OTUD7B: variants seen among roughly 807,000 people sequenced by gnomAD.
The protein encoded by OTUD7B is OTU deubiquitinase 7B.
In OTUD7B, 34 loss-of-function variants were observed where a neutral mutation model predicts 82.2. The ratio of observed to expected loss-of-function variants is 0.41; its 90% confidence interval spans 0.31 to 0.55. OTUD7B has a LOEUF of 0.55. Ranked by LOEUF, OTUD7B falls within the 20% of genes least tolerant of loss-of-function variation. The probability of loss-of-function intolerance (pLI) is 0.20; values close to 1 mark genes in which losing one functional copy is unlikely to be tolerated. For synonymous variants in OTUD7B, 398 were observed against 402.7 expected, an observed-to-expected ratio of 0.99 and a Z score of 0.14; for missense variants, 944 against 1,062.1, an observed-to-expected ratio of 0.89 and a Z score of 1.55.
chr1:149,962,167 A>ATCCGGC (rs1649204231), intron 6 of OTUD7B: 1 of 152,208 alleles, frequency 6.6e-6, no homozygotes, highest in African/African-American at 2.4e-5. Context: ...ACACATCCAG[A>ATCCGGC]TCCGGCTCCC....
chr1:150,012,833 G>T (rs187288071), upstream of OTUD7B, among the ~76,000 whole-genome samples: 1 of 152,336 alleles, frequency 6.6e-6, no homozygotes, highest in Non-Finnish European at 1.5e-5. Flanking sequence ...TCAATGGGCT[G>T]CTTGTCTTTG....
Position 149,944,754 on chromosome 1 carries a change from A to T in OTUD7B, c.1635T>A (p.Thr545=), listed in dbSNP as rs782598010. ...TTTTCTTCTTCTTCTCCAGTGTCTC[A>T]GTGCCGCTGCTTCCTCCCAACCCTG... is the stretch of plus-strand genomic sequence containing the variant. ...VGTGLGGSSG[T]ETLEKKKKNS... The change falls in exon 12 of 12, where the codon ACT becomes ACA. Residue 545 remains threonine, a synonymous_variant. Coordinates refer to ENST00000581312, the MANE Select transcript of OTUD7B (RefSeq NM_020205.4). 1.9e-6 allele frequency: 3 copies of T among 1,613,720 alleles called. No individual in the cohort carries two copies. Among genetic ancestry groups the T allele is most frequent in the Non-Finnish European group, 2.5e-6 (3 of 1,179,946 alleles).
intron 1 of OTUD7B, among the ~76,000 whole-genome samples, chr1:150,004,332 G>A (rs1553785614): frequency 6.6e-6 from 1 of 152,054 alleles, no homozygotes; most frequent in Non-Finnish European, 1.5e-5. Flanking sequence ...AGCTAAGGTG[G>A]GCGGATCACT....
intron 1 of OTUD7B, among the ~76,000 whole-genome samples, chr1:149,986,451 T>G (rs1222624625): frequency 1.3e-5 from 2 of 152,228 alleles, no homozygotes; most frequent in African/African-American, 4.8e-5. Flanking sequence ...TCCAACTTAC[T>G]TAATAACAGA....
the OTUD7B span, among the ~76,000 whole-genome samples, chr1:150,063,121 AG>A: frequency 1.3e-5 from 2 of 152,124 alleles, no homozygotes; most frequent in African/African-American, 4.8e-5. Flanking sequence ...TCAGTTACTC[AG>A]GTCTCTGAGT....
chr1:149,965,959 G>A (rs917169540), intron 4 of OTUD7B, 81 bp from the exon 5 acceptor site: 1 of 1,156,430 alleles, frequency 8.6e-7, no homozygotes, highest in African/African-American at 1.5e-5. Flanking sequence ...AGACTCCAAA[G>A]CAGCCTCCTC....
chr1:150,040,382 G>A, the OTUD7B span, among the ~76,000 whole-genome samples: 6 of 152,116 alleles, frequency 3.9e-5, no homozygotes, highest in African/African-American at 1.4e-4. Context: ...TGTATTAAAG[G>A]AACTCACAAT....
intron 2 of OTUD7B, among the ~76,000 whole-genome samples, chr1:149,975,719 TAGG>T (rs1559848962): frequency 6.6e-6 from 1 of 151,820 alleles, no homozygotes. Flanking sequence ...GGAAAAGTAG[TAGG>T]AGAAGAAACT....
At position 149,941,032 on chromosome 1, in the gene OTUD7B, C is replaced by A. The variant is rs782193965; in HGVS notation, c.*2825G>T. 2.6e-5 allele frequency: 4 copies of A among 152,230 alleles called. No individual in the cohort carries two copies. In the South Asian group the frequency reaches 6.2e-4, roughly 24 times the overall value. The allele number at this position is 152,230 out of a possible 1,614,324, so 9.4% of individuals were successfully genotyped here. On this transcript the variant is annotated 3_prime_UTR_variant, in exon 12 of 12. Transcript: ENST00000581312. ...CCCAAATAAAAAAAATAATTTATTT[C>A]TTAATAAAAAGCTATAAGGCCTAAA...
In OTUD7B at chr1:149,967,338, C is replaced by T; in HGVS notation, c.458G>A (p.Arg153Lys). The change falls in exon 4 of 12, where the codon AGA becomes AAA. Residue 153 changes from arginine to lysine, a missense_variant. Coordinates refer to ENST00000581312, the MANE Select transcript of OTUD7B (RefSeq NM_020205.4). Reference sequence around the variant, plus strand: ...CAGCATGGACTGCTCAATGAGGTCTCTCTCTATGAAGCTGCGGAAGTCTTC... The same window carrying T: ...CAGCATGGACTGCTCAATGAGGTCTTTCTCTATGAAGCTGCGGAAGTCTTC... ...YNEDFRSFIE[R>K]DLIEQSMLVA... The T allele has an allele frequency of 1.2e-6, 2 of 1,614,078 alleles. No individual in the cohort carries two copies. The highest frequency in any genetic ancestry group is 1.7e-6 in the Non-Finnish European group (2 of 1,179,984).
chr1:149,973,991 G>A (rs1476993301), intron 2 of OTUD7B, among the ~76,000 whole-genome samples: 2 of 151,704 alleles, frequency 1.3e-5, no homozygotes, highest in African/African-American at 4.8e-5. Flanking sequence ...CGAGTAGCTA[G>A]GATTACAGGC....
At chr1:150,026,061 T>C in the OTUD7B span, among the ~76,000 whole-genome samples, 1 of 152,224 alleles carries the variant, frequency 6.6e-6, no homozygotes, top group Non-Finnish European at 1.5e-5. Context: ...CCTTGGAGAT[T>C]CCTAGAATTT....
At chr1:150,064,619 T>C in the OTUD7B span, among the ~76,000 whole-genome samples, 18 of 152,216 alleles carry the variant, frequency 1.2e-4, no homozygotes, top group African/African-American at 4.3e-4. Context: ...TCCTCCTGAC[T>C]TAGCCTCCCA....
chr1:150,037,249 C>T, the OTUD7B span, among the ~76,000 whole-genome samples: 4 of 146,994 alleles, frequency 2.7e-5, no homozygotes, highest in African/African-American at 7.5e-5. Flanking sequence ...AAAATACCCT[C>T]TTTTTTTTTT....
At chr1:150,050,154 A>G in the OTUD7B span, among the ~76,000 whole-genome samples, 2 of 152,092 alleles carry the variant, frequency 1.3e-5, no homozygotes, top group African/African-American at 2.4e-5. Flanking sequence ...TGATTGCGCC[A>G]CTGTACTCTA....
intron 1 of OTUD7B, among the ~76,000 whole-genome samples, chr1:149,981,020 A>C (rs1650690028): frequency 5.6e-4 from 2 of 3,580 alleles, no homozygotes; most frequent in African/African-American, 1.8e-3. Flanking sequence ...GTTTCAAAAA[A>C]AAAAAAAAAA....
At chr1:150,043,369 A>C in the OTUD7B span, among the ~76,000 whole-genome samples, 1 of 152,194 alleles carries the variant, frequency 6.6e-6, no homozygotes, top group Non-Finnish European at 1.5e-5. Flanking sequence ...CAAACATAAA[A>C]AAGAATTGGT....
chr1:150,015,290 C>CTTTTTTTTTTTTTTT (rs60374988), upstream of OTUD7B, among the ~76,000 whole-genome samples: 28 of 128,966 alleles, frequency 2.2e-4, no homozygotes, highest in East Asian at 4.4e-4. Flanking sequence ...TTTTCTTTCT[C>CTTTTTTTTTTTTTTT]TTTTTTTTTT....
In OTUD7B at chr1:149,950,977, ATTTTTTTTTTT is replaced by A. The variant is rs1458504169; in HGVS notation, c.846-767_846-757del. Among the ~76,000 whole-genome samples, 2 of 22,404 alleles carry A rather than the reference ATTTTTTTTTTT, an allele frequency of 8.9e-5. 1 individual carries two copies. The highest frequency in any genetic ancestry group is 2.4e-3 in the South Asian group (2 of 850). The allele number at this position is 22,404 out of a possible 152,430, so 14.7% of individuals were successfully genotyped here. On this transcript the variant is annotated intron_variant, in intron 7 of 11. Transcript: ENST00000581312. ...CGGTCTAATTTTTTGTACTTTTTGT[ATTTTTTTTTTT>A]TTTTTTTTTTTGTAGATGGAGTCTC...
Sources: allele counts gnomAD v4.1 joint callset (sites outside exome capture counted in the v4.1 genomes callset), GRCh38; gene constraint gnomAD v4.1.1; transcripts MANE v1.5; gene names NCBI Gene and HGNC (gene_info 2026-07-23, HGNC 2026-07-21).